Variants in KHDRBS1 observed in about 807,000 individuals in gnomAD.
KHDRBS1 encodes the protein KH domain-containing, RNA-binding, signal transduction-associated protein 1.
In KHDRBS1, 7 loss-of-function variants were observed where a neutral mutation model predicts 48.4. That is an observed-to-expected ratio of 0.14 (90% confidence interval 0.08 to 0.27). The LOEUF (loss-of-function observed/expected upper bound fraction) is 0.27, where lower values mean the gene tolerates loss of function less well. Among genes scored for constraint, KHDRBS1 ranks in the 10% least tolerant of loss-of-function variants. KHDRBS1 has a pLI of 1.00. For synonymous variants in KHDRBS1, 241 were observed against 235.8 expected, an observed-to-expected ratio of 1.02 and a Z score of -0.20; for missense variants, 458 against 601.2, an observed-to-expected ratio of 0.76 and a Z score of 2.49.
intron 1 of KHDRBS1, among the ~76,000 whole-genome samples, chr1:32,026,349 G>T (rs1020626004): frequency 4.6e-5 from 7 of 151,858 alleles, no homozygotes; most frequent in Admixed American, 2.0e-4. Flanking sequence ...ATAGAGAAGG[G>T]GTCTCACTAT....
downstream of KHDRBS1, among the ~76,000 whole-genome samples, chr1:32,048,485 G>A (rs1022765297): frequency 4.6e-5 from 7 of 152,234 alleles, no homozygotes; most frequent in East Asian, 1.9e-4. Flanking sequence ...ACTCCAGCCC[G>A]GGTAGAAAGT....
At chr1:32,055,768 T>G (rs1014448355) in intron 10 of KHDRBS1, among the ~76,000 whole-genome samples, 3 of 152,120 alleles carry the variant, frequency 2.0e-5, no homozygotes, top group African/African-American at 4.8e-5. Flanking sequence ...GTAGCCTGAT[T>G]GCTGCTCTCG....
At chr1:32,018,510 C>T (rs948072909) in intron 1 of KHDRBS1, among the ~76,000 whole-genome samples, 2 of 151,374 alleles carry the variant, frequency 1.3e-5, no homozygotes, top group Non-Finnish European at 2.9e-5. Flanking sequence ...AATCCCAGCA[C>T]GTTGGGAGGC....
intron 1 of KHDRBS1, among the ~76,000 whole-genome samples, chr1:32,016,186 GAA>G (rs576956025): frequency 8.3e-5 from 7 of 84,800 alleles, no homozygotes; most frequent in Admixed American, 1.2e-4. Context: ...CTCAAAAAAG[GAA>G]AAAAAAAAAA....
At chr1:32,051,285 G>A (rs192759761) in intron 10 of KHDRBS1, among the ~76,000 whole-genome samples, 1 of 152,122 alleles carries the variant, frequency 6.6e-6, no homozygotes, top group Non-Finnish European at 1.5e-5. Flanking sequence ...TGGTCTTGTC[G>A]CCCTTATCAA....
chr1:32,054,912 C>G (rs540778054), intron 10 of KHDRBS1, among the ~76,000 whole-genome samples: 2 of 152,248 alleles, frequency 1.3e-5, no homozygotes, highest in South Asian at 4.1e-4. Context: ...TTCTCACAAA[C>G]AACCCTGTGA....
intron 8 of KHDRBS1, among the ~76,000 whole-genome samples, chr1:32,041,031 T>A (rs1200079989): frequency 6.6e-6 from 1 of 152,202 alleles, no homozygotes; most frequent in Non-Finnish European, 1.5e-5. Flanking sequence ...CCTCTGTATG[T>A]GTTTGACTAA....
downstream of KHDRBS1, among the ~76,000 whole-genome samples, chr1:32,048,427 T>C (rs1429552962): frequency 6.6e-6 from 1 of 152,184 alleles, no homozygotes; most frequent in African/African-American, 2.4e-5. Flanking sequence ...GGAGGATCAC[T>C]TGAGTCGAGG....
At chr1:32,020,343 T>G (rs1280268282) in intron 1 of KHDRBS1, among the ~76,000 whole-genome samples, 2 of 151,922 alleles carry the variant, frequency 1.3e-5, no homozygotes, top group East Asian at 3.9e-4. Context: ...GAAGAATCGC[T>G]TGAACCCAGG....
At chr1:32,054,733 C>T (rs554785308) in intron 10 of KHDRBS1, among the ~76,000 whole-genome samples, 55 of 152,136 alleles carry the variant, frequency 3.6e-4, no homozygotes, top group Non-Finnish European at 7.5e-4. Context: ...TGTAGCCTAA[C>T]GCAAATTCAT....
chr1:32,030,829 C>G (rs1569790007), intron 2 of KHDRBS1, among the ~76,000 whole-genome samples: 1 of 149,514 alleles, frequency 6.7e-6, no homozygotes. Context: ...TAAGTAAATG[C>G]TTTTTTTCTT....
chr1:32,033,399 G>GGT, intron 4 of KHDRBS1, 65 bp downstream of exon 4: 1 of 1,588,850 alleles, frequency 6.3e-7, no homozygotes, highest in Non-Finnish European at 8.6e-7. Flanking sequence ...CTGTTGTGAA[G>GGT]GTAGGGGTTC....
At chr1:32,027,539 A>G (rs1039860216) in intron 1 of KHDRBS1, among the ~76,000 whole-genome samples, 3 of 152,246 alleles carry the variant, frequency 2.0e-5, no homozygotes, top group African/African-American at 7.2e-5. Context: ...TTCTATTCCA[A>G]GCACTGAAAC....
At position 32,042,701 on chromosome 1, in the gene KHDRBS1, C is replaced by T; in HGVS notation, c.*77C>T. On this transcript the variant is annotated 3_prime_UTR_variant, in exon 9 of 9. Coordinates refer to ENST00000327300, the MANE Select transcript of KHDRBS1 (RefSeq NM_006559.3). Reference sequence around the variant, plus strand: ...CTTGTATCTCCCAGGATTCCTGTTGCTTTACCCACAACAGACAAGTAATTG... The same window carrying T: ...CTTGTATCTCCCAGGATTCCTGTTGTTTTACCCACAACAGACAAGTAATTG... The T allele has an allele frequency of 1.1e-6, 1 of 887,160 alleles. No homozygotes were observed. The highest frequency in any genetic ancestry group is 1.8e-6 in the Non-Finnish European group (1 of 543,158). 55.0% of individuals were successfully genotyped at this position (887,160 alleles called of 1,614,324 possible). A position where few individuals can be genotyped will look rare whatever the true frequency, so the allele number is the denominator to read the frequency against.
downstream of KHDRBS1, among the ~76,000 whole-genome samples, chr1:32,048,537 T>A (rs924511658): frequency 2.0e-5 from 3 of 152,236 alleles, no homozygotes; most frequent in Non-Finnish European, 2.9e-5. Context: ...ATTTGCTGCA[T>A]GCCAGATGTG....
At chr1:32,024,054 C>A in intron 1 of KHDRBS1, among the ~76,000 whole-genome samples, 1 of 152,278 alleles carries the variant, frequency 6.6e-6, no homozygotes, top group Middle Eastern at 3.4e-3. Flanking sequence ...GAGTTGAAGA[C>A]CAGCCTGGCC....
Position 32,014,079 on chromosome 1 carries a change from C to T in KHDRBS1, c.84C>T (p.Pro28=). ...SGSMDPSGAH[P]SVRQTPSRQP... The stretch of plus-strand genomic sequence containing the variant: ...CCATGGACCCCTCCGGTGCCCACCC[C>T]TCGGTGCGTCAGACGCCGTCTCGGC... The change falls in exon 1 of 9, where the codon CCC becomes CCT. Residue 28 remains proline (P), a synonymous_variant. Coordinates refer to ENST00000327300, the MANE Select transcript of KHDRBS1 (RefSeq NM_006559.3). The T allele has an allele frequency of 6.8e-7, 1 of 1,477,290 alleles. No individual in the cohort carries two copies. Among genetic ancestry groups the T allele is most frequent in the African/African-American group, 1.5e-5 (1 of 68,670 alleles). The allele number at this position is 1,477,290 out of a possible 1,614,324, so 91.5% of individuals were successfully genotyped here. A position where few individuals can be genotyped will look rare whatever the true frequency, so the allele number is the denominator to read the frequency against.
At chr1:32,032,952 T>C (rs541424596) in intron 3 of KHDRBS1, among the ~76,000 whole-genome samples, 3 of 152,340 alleles carry the variant, frequency 2.0e-5, no homozygotes, top group Admixed American at 6.5e-5. Context: ...TCTCCCAAAG[T>C]CCTGGGATTA....
chr1:32,060,556 C>G (rs1475224222), exon 11 of KHDRBS1: 1 of 152,148 alleles, frequency 6.6e-6, no homozygotes, highest in African/African-American at 2.4e-5. Flanking sequence ...TGTTTCCCCA[C>G]TACCACACCT....
Sources: gnomAD v4.1 joint callset for allele counts (sites outside exome capture counted in the v4.1 genomes callset) on GRCh38, gnomAD v4.1.1 for gene constraint, MANE v1.5 for transcripts, NCBI Gene and HGNC (gene_info 2026-07-23, HGNC 2026-07-21) for gene names.